Variants in HOOK1 observed in about 807,000 individuals in gnomAD.
The protein encoded by HOOK1 is hook microtubule tethering protein 1.
A neutral mutation model predicts 112.8 loss-of-function variants in HOOK1; 60 were observed. The observed-to-expected ratio is 0.53, with a 90% CI of 0.43 to 0.66. The LOEUF (loss-of-function observed/expected upper bound fraction) is 0.66, where lower values mean the gene tolerates loss of function less well. Among genes scored for constraint, HOOK1 ranks in the 30% least tolerant of loss-of-function variants. The pLI is 0.00. For synonymous variants in HOOK1, 294 were observed against 283.8 expected (o/e 1.04, Z -0.36); for missense variants, 770 against 856.0 (o/e 0.90, Z 1.25).
chr1:59,859,678 A>T lies in HOOK1; in HGVS notation c.1392-510A>T, dbSNP rs35870285. On this transcript the variant is annotated intron_variant, in intron 14 of 21. Coordinates refer to ENST00000371208, the MANE Select transcript of HOOK1 (RefSeq NM_015888.6). Reference sequence around the variant, plus strand: ...ATTAATAAAAAGTTGCATTTTTTAAAAGTACATGTAAATCTTTAATAAAAT... The same window carrying T: ...ATTAATAAAAAGTTGCATTTTTTAATAGTACATGTAAATCTTTAATAAAAT... Among the ~76,000 whole-genome samples, 856 of 152,100 alleles carry T rather than the reference A, an allele frequency of 5.6e-3. 2 individuals carry two copies. The highest frequency in any genetic ancestry group is 9.6e-3 in the Non-Finnish European group (655 of 67,946).
chr1:59,866,051 A>G (rs1574225567), intron 19 of HOOK1, 79 bp downstream of exon 19: 4 of 771,580 alleles, frequency 5.2e-6, no homozygotes, highest in East Asian at 5.4e-5. Flanking sequence ...TTTTTCTGCC[A>G]TTCTTGTATC....
chr1:59,872,078 T>C (rs1644063292), intron 21 of HOOK1, among the ~76,000 whole-genome samples: 1 of 152,204 alleles, frequency 6.6e-6, no homozygotes, highest in Admixed American at 6.5e-5. Context: ...CATGATTGAT[T>C]CATTTTTTTC....
At chr1:59,858,564 G>A in intron 13 of HOOK1, 49 bp downstream of exon 13, 1 of 1,194,180 alleles carries the variant, frequency 8.4e-7, no homozygotes. Flanking sequence ...AGCATAGTGG[G>A]ACTCCATTCA....
chr1:59,858,312 A>G, intron 12 of HOOK1, 116 bp from the exon 13 acceptor site: 2 of 714,698 alleles, frequency 2.8e-6, no homozygotes, highest in East Asian at 2.6e-5. Flanking sequence ...AAACTAAAAC[A>G]TTGTCACTTA....
rs950825937 is a variant in HOOK1 at position 59,873,030 on chromosome 1, G to T, written c.*65G>T. On this transcript the variant is annotated 3_prime_UTR_variant, in exon 22 of 22. Coordinates refer to ENST00000371208, the MANE Select transcript of HOOK1 (RefSeq NM_015888.6). ...AATAGAAGTGTCCTTAAAATATTTT[G>T]TACCTTTCAACTAACTACCAGATTG... 3.2e-5 allele frequency: 39 copies of T among 1,221,532 alleles called. No individual in the cohort carries two copies. The highest frequency in any genetic ancestry group is 2.1e-5 in the Non-Finnish European group (20 of 942,472). The allele number at this position is 1,221,532 out of a possible 1,614,324, so 75.7% of individuals were successfully genotyped here.
At chr1:59,854,033 T>C (rs1415683074) in intron 12 of HOOK1, among the ~76,000 whole-genome samples, 2 of 27,176 alleles carry the variant, frequency 7.4e-5, no homozygotes, top group East Asian at 7.5e-4. Flanking sequence ...TATATATATA[T>C]ATATATTTTT....
chr1:59,873,111 T>A lies in HOOK1; in HGVS notation c.*146T>A. On this transcript the variant is annotated 3_prime_UTR_variant, in exon 22 of 22. Transcript: ENST00000371208. ...ATTTTAAAATCAACATGCATCAAAT[T>A]AATTTTGCCAGTTGACTTTAAAAAC... The A allele has an allele frequency of 1.6e-6, 1 of 635,192 alleles. No homozygotes were observed. The highest frequency in any genetic ancestry group is 2.3e-6 in the Non-Finnish European group (1 of 425,534). The allele number at this position is 635,192 out of a possible 1,614,324, so 39.3% of individuals were successfully genotyped here.
chr1:59,827,537 C>T (rs1233420181), intron 2 of HOOK1, among the ~76,000 whole-genome samples: 4 of 152,194 alleles, frequency 2.6e-5, no homozygotes, highest in East Asian at 1.9e-4. Flanking sequence ...ACCTGGTTAG[C>T]AGTGTAGCAT....
rs544185342 is a variant in HOOK1 at position 59,871,086 on chromosome 1, C to T, written c.1992C>T (p.Leu664=). The T allele has an allele frequency of 6.2e-6, 10 of 1,611,682 alleles. No individual in the cohort carries two copies. The highest frequency in any genetic ancestry group is 8.5e-6 in the Non-Finnish European group (10 of 1,178,322). ...VAKFRDYEEK[L]IVSAWYNKSL... ...AATTCCGTGATTATGAAGAAAAACT[C>T]ATTGTTTCTGCGTGGTATAATAAGG... The change falls in exon 21 of 22, where the codon CTC becomes CTT. Residue 664 remains leucine, a synonymous_variant. Coordinates refer to ENST00000371208, the MANE Select transcript of HOOK1 (RefSeq NM_015888.6).
In HOOK1 at chr1:59,873,725, CTATATATATA is replaced by C. The variant is rs58867974; in HGVS notation, c.*791_*800del. ...AGGTGACTTTCTGATGGAAAGCAAG[CTATATATATA>C]TATATATATATATATATATATATAT... On this transcript the variant is annotated 3_prime_UTR_variant, in exon 22 of 22. Coordinates refer to ENST00000371208, the MANE Select transcript of HOOK1 (RefSeq NM_015888.6). The C allele has an allele frequency of 0.016, 883 of 56,222 alleles. 17 individuals are homozygous for C. The highest frequency in any genetic ancestry group is 0.02 in the Non-Finnish European group (612 of 30,722). The allele number at this position is 56,222 out of a possible 1,614,324, so 3.5% of individuals were successfully genotyped here.
chr1:59,844,617 C>A (rs1328461368), intron 9 of HOOK1, among the ~76,000 whole-genome samples: 2 of 151,846 alleles, frequency 1.3e-5, no homozygotes, highest in Admixed American at 6.6e-5. Context: ...ATCAGCTGAT[C>A]AGTTTCTACT....
At chr1:59,829,584 T>C (rs1395240983) in intron 3 of HOOK1, among the ~76,000 whole-genome samples, 2 of 152,142 alleles carry the variant, frequency 1.3e-5, no homozygotes, top group Non-Finnish European at 2.9e-5. Context: ...ACTGTGCTAA[T>C]AATGTGCTAA....
At chr1:59,870,915 A>G (rs1445930466) in intron 20 of HOOK1, 127 bp from the exon 21 acceptor site, 6 of 646,364 alleles carry the variant, frequency 9.3e-6, no homozygotes, top group Non-Finnish European at 1.7e-5. Context: ...ACATTTGACT[A>G]CATTGTGTGC....
intron 20 of HOOK1, 64 bp downstream of exon 20, chr1:59,868,415 C>T: frequency 1.1e-6 from 1 of 916,704 alleles, no homozygotes; most frequent in Admixed American, 2.1e-5. Context: ...TAACTGCTGT[C>T]ATATATTTGT....
intron 20 of HOOK1, among the ~76,000 whole-genome samples, chr1:59,869,653 C>T (rs1309814326): frequency 1.3e-5 from 2 of 152,152 alleles, no homozygotes; most frequent in Non-Finnish European, 2.9e-5. Flanking sequence ...CTCCCTACAT[C>T]CATAGTACAA....
rs1644096480 is a variant in HOOK1 at position 59,873,977 on chromosome 1, G to GTATTCAGT, written c.*1014_*1021dup. On this transcript the variant is annotated 3_prime_UTR_variant, in exon 22 of 22. Coordinates refer to ENST00000371208, the MANE Select transcript of HOOK1 (RefSeq NM_015888.6). The stretch of plus-strand genomic sequence containing the variant: ...GAGTTTATCTTGGGCTCAGTTTGTG[G>GTATTCAGT]TATTCAGTTCGTTTCTGCCCAAAGC... 2 of 151,728 alleles carry GTATTCAGT rather than the reference G, an allele frequency of 1.3e-5. No homozygotes were observed. The highest frequency in any genetic ancestry group is 4.2e-4 in the South Asian group (2 of 4,806). 9.4% of individuals were successfully genotyped at this position (151,728 alleles called of 1,614,324 possible).
Position 59,840,354 on chromosome 1 carries a change from A to G in HOOK1, c.584A>G (p.Glu195Gly), listed in dbSNP as rs746544278. 6.9e-6 allele frequency: 11 copies of G among 1,597,142 alleles called. No homozygotes were observed. In the Admixed American group the frequency reaches 1.9e-4, roughly 28 times the overall value. ...CTTCAGGAAGCACTAGCAGAAAAAG[A>G]AGAGCTGAGGCAAAGATGTGAAGAA... ...EELQEALAEKEELRQRCEELD... is the reference protein window; with the variant it reads ...EELQEALAEKGELRQRCEELD... The change falls in exon 8 of 22, where the codon GAA (glutamate) becomes GGA (glycine). Residue 195 changes from glutamate (E) to glycine (G), a missense_variant. This residue lies in a region of HOOK1 where 655 missense variants were observed against 725.9 expected (regional missense o/e 0.90). Coordinates refer to ENST00000371208, the MANE Select transcript of HOOK1 (RefSeq NM_015888.6).
Position 59,860,340 on chromosome 1 carries a change from C to A in HOOK1, c.1532+12C>A. On this transcript the variant is annotated intron_variant, in intron 15 of 21. Coordinates refer to ENST00000371208, the MANE Select transcript of HOOK1 (RefSeq NM_015888.6). ...GAAACTGAGCAGAGGTGATATGCTC[C>A]TTAGTAACTGAAAATCTTGGTGATT... 1.3e-6 allele frequency: 2 copies of A among 1,532,278 alleles called. No homozygotes were observed. Among genetic ancestry groups the A allele is most frequent in the South Asian group, 1.3e-5 (1 of 77,134 alleles). The allele number at this position is 1,532,278 out of a possible 1,614,324, so 94.9% of individuals were successfully genotyped here.
At chr1:59,855,393 T>C (rs1184110389) in intron 12 of HOOK1, among the ~76,000 whole-genome samples, 1 of 152,202 alleles carries the variant, frequency 6.6e-6, no homozygotes, top group African/African-American at 2.4e-5. Flanking sequence ...TATTTGGTTT[T>C]CTGTTCCTGT....
Sources: gnomAD v4.1 joint callset for allele counts (sites outside exome capture counted in the v4.1 genomes callset) on GRCh38, gnomAD v4.1.1 for gene constraint, gnomAD v4.1.1 regional missense constraint, MANE v1.5 for transcripts, NCBI Gene and HGNC (gene_info 2026-07-23, HGNC 2026-07-21) for gene names.